Variants in STPG2 observed in about 807,000 individuals in gnomAD.
STPG2 encodes sperm-tail PG-rich repeat-containing protein 2.
A neutral mutation model predicts 54.2 loss-of-function variants in STPG2; 56 were observed. The ratio of observed to expected loss-of-function variants is 1.03; its 90% CI spans 0.83 to 1.29. The LOEUF is 1.29. STPG2 is among the 50% of genes most tolerant of loss of function. STPG2 has a pLI of 0.00. For missense variants in STPG2, 596 were observed against 544.9 expected (o/e 1.09, Z -0.93); for synonymous variants, 200 against 181.8 (o/e 1.10, Z -0.81).
At chr4:97,776,732 C>A (rs1329674498) in intron 9 of STPG2, among the ~76,000 whole-genome samples, 2 of 152,090 alleles carry the variant, frequency 1.3e-5, no homozygotes, top group Admixed American at 6.5e-5. Flanking sequence ...GCACTAAAGC[C>A]ATTAATATCT....
chr4:98,130,643 C>A (rs2110164390), intron 2 of STPG2, among the ~76,000 whole-genome samples: 1 of 152,170 alleles, frequency 6.6e-6, no homozygotes, highest in East Asian at 1.9e-4. Context: ...CCAAAATAGG[C>A]CAGGCGCAGT....
intron 10 of STPG2, among the ~76,000 whole-genome samples, chr4:97,665,263 G>A (rs1016724670): frequency 5.3e-5 from 8 of 152,120 alleles, no homozygotes; most frequent in East Asian, 1.9e-4. Context: ...CTCACCATTC[G>A]GCAGTTCCTG....
At chr4:97,742,553 G>GTATATATA (rs1299622765) in intron 9 of STPG2, among the ~76,000 whole-genome samples, 16 of 134,870 alleles carry the variant, frequency 1.2e-4, no homozygotes, top group Non-Finnish European at 1.9e-4. Context: ...GTGTGTGTGT[G>GTATATATA]TGTGTGTGTG....
At chr4:97,755,827 G>C (rs530165967) in intron 9 of STPG2, among the ~76,000 whole-genome samples, 1 of 152,106 alleles carries the variant, frequency 6.6e-6, no homozygotes, top group Non-Finnish European at 1.5e-5. Flanking sequence ...TCTATTCCAT[G>C]TTCTTTGGTT....
Position 98,009,635 on chromosome 4 carries a change from G to A in STPG2, c.613-28317C>T, listed in dbSNP as rs1735681705. 2.2e-5 allele frequency among the ~76,000 whole-genome samples: 3 copies of A among 134,636 alleles called. No homozygotes were observed. The South Asian group carries it at 7.5e-4, about 33-fold the overall frequency. 88.3% of individuals were successfully genotyped at this position (134,636 alleles called of 152,430 possible). Reference sequence around the variant, plus strand: ...AGTTCAAATCCAATGTTTCCTTACTGAATTTCTGACTGAATGATAATGATA... The same window carrying A: ...AGTTCAAATCCAATGTTTCCTTACTAAATTTCTGACTGAATGATAATGATA... On this transcript the variant is annotated intron_variant, in intron 5 of 10. Transcript: ENST00000295268.
intron 4 of STPG2, among the ~76,000 whole-genome samples, chr4:97,477,102 G>C (rs1254299979): frequency 1.3e-5 from 2 of 152,202 alleles, no homozygotes; most frequent in Non-Finnish European, 2.9e-5. Flanking sequence ...AGAGTCCTCT[G>C]AGTGTGTGTG....
chr4:97,529,590 C>A (rs981758649), intron 4 of STPG2, among the ~76,000 whole-genome samples: 3 of 152,042 alleles, frequency 2.0e-5, no homozygotes, highest in Admixed American at 2.0e-4. Flanking sequence ...TGGTAGAATT[C>A]GGCTATGAAT....
At chr4:97,446,188 G>A (rs1418455862) in intron 4 of STPG2, among the ~76,000 whole-genome samples, 6 of 152,100 alleles carry the variant, frequency 3.9e-5, no homozygotes, top group Admixed American at 1.3e-4. Context: ...AAAAAGATAG[G>A]TTAATTAAAA....
At chr4:98,069,300 G>A (rs1022640805) in intron 5 of STPG2, among the ~76,000 whole-genome samples, 3 of 151,782 alleles carry the variant, frequency 2.0e-5, no homozygotes, top group Admixed American at 6.6e-5. Context: ...TTTAGACATC[G>A]AGTAGTAATT....
chr4:97,540,464 G>A (rs1476258488), intron 4 of STPG2, among the ~76,000 whole-genome samples: 1 of 152,154 alleles, frequency 6.6e-6, no homozygotes, highest in Non-Finnish European at 1.5e-5. Flanking sequence ...AACAGGCTCT[G>A]AAATTGAGGT....
At chr4:97,722,404 T>C (rs1560502095) in intron 9 of STPG2, among the ~76,000 whole-genome samples, 2 of 152,166 alleles carry the variant, frequency 1.3e-5, no homozygotes. Flanking sequence ...TAAAAATGAC[T>C]GGATAATTGT....
chr4:97,536,508 A>C (rs1731534976), intron 4 of STPG2, among the ~76,000 whole-genome samples: 1 of 152,190 alleles, frequency 6.6e-6, no homozygotes, highest in South Asian at 2.1e-4. Flanking sequence ...AGGCCTCCCC[A>C]GCCATGCAGA....
chr4:98,107,269 T>A (rs905455537), intron 4 of STPG2, among the ~76,000 whole-genome samples: 1 of 152,006 alleles, frequency 6.6e-6, no homozygotes, highest in Non-Finnish European at 1.5e-5. Context: ...CCTCCAAGAA[T>A]AATTCTGACT....
chr4:97,504,112 ATATT>A (rs1247509331), intron 4 of STPG2, among the ~76,000 whole-genome samples: 3 of 144,436 alleles, frequency 2.1e-5, no homozygotes, highest in African/African-American at 7.5e-5. Context: ...AAATAAATAA[ATATT>A]TATTTAAATA....
At chr4:97,816,129 T>C (rs1220186525) in intron 9 of STPG2, among the ~76,000 whole-genome samples, 2 of 152,072 alleles carry the variant, frequency 1.3e-5, no homozygotes, top group African/African-American at 4.8e-5. Flanking sequence ...CAACATGCAG[T>C]GTTTGGTTTT....
chr4:97,622,112 T>C (rs1243218960), intron 10 of STPG2, among the ~76,000 whole-genome samples: 1 of 152,142 alleles, frequency 6.6e-6, no homozygotes, highest in Non-Finnish European at 1.5e-5. Flanking sequence ...AATTAGGCAC[T>C]GAAGGAACAT....
At chr4:98,133,722 A>G (rs1041364618) in intron 2 of STPG2, among the ~76,000 whole-genome samples, 1 of 152,024 alleles carries the variant, frequency 6.6e-6, no homozygotes, top group Non-Finnish European at 1.5e-5. Flanking sequence ...ACCTGCATCT[A>G]TATCGATCAC....
chr4:97,490,591 C>G (rs57297771), intron 4 of STPG2, among the ~76,000 whole-genome samples: 35,644 of 151,456 alleles, frequency 0.24, 9,532 homozygotes, highest in African/African-American at 0.66. Context: ...ACTCGCTTCC[C>G]TGTACCTCCT....
chr4:98,023,148 T>C (rs1736283954), intron 5 of STPG2, among the ~76,000 whole-genome samples: 1 of 152,202 alleles, frequency 6.6e-6, no homozygotes, highest in South Asian at 2.1e-4. Flanking sequence ...CTTTGTGGTT[T>C]CATCTACTTT....
Sources: allele counts gnomAD v4.1 joint callset (sites outside exome capture counted in the v4.1 genomes callset), GRCh38; gene constraint gnomAD v4.1.1; transcripts MANE v1.5; gene names NCBI Gene and HGNC (gene_info 2026-07-23, HGNC 2026-07-21).